TRIM23: variants seen among roughly 807,000 people sequenced by gnomAD.
TRIM23 encodes the protein tripartite motif containing 23.
TRIM23 carries 27 observed loss-of-function variants against 71.0 expected under a neutral mutation model. The observed-to-expected ratio is 0.38, with a 90% CI of 0.28 to 0.52. The LOEUF is 0.52. Ranked by LOEUF, TRIM23 falls within the 20% of genes least tolerant of loss-of-function variation. The probability of loss-of-function intolerance (pLI) is 0.84; values close to 1 mark genes in which losing one functional copy is unlikely to be tolerated. For missense variants in TRIM23, 482 were observed against 692.3 expected (o/e 0.70, Z 3.41); for synonymous variants, 234 against 238.0 (o/e 0.98, Z 0.16).
In TRIM23 at chr5:65,590,889, T is replaced by C; in HGVS notation, c.*880A>G. On this transcript the variant is annotated 3_prime_UTR_variant, in exon 11 of 11. Coordinates refer to ENST00000231524, the MANE Select transcript of TRIM23 (RefSeq NM_001656.4). ...AGCTTTTAAATAAAGCCAACCCTGG[T>C]TCTGCGTTACTTACTACATTTTACC... 1 of 985,490 alleles carries C rather than the reference T, an allele frequency of 1.0e-6. No homozygotes were observed. Among genetic ancestry groups the C allele is most frequent in the Non-Finnish European group, 1.2e-6 (1 of 829,984 alleles). The allele number at this position is 985,490 out of a possible 1,614,324, so 61.0% of individuals were successfully genotyped here. A position where few individuals can be genotyped will look rare whatever the true frequency, so the allele number is the denominator to read the frequency against.
At chr5:65,620,976 G>A (rs1200323325) in intron 1 of TRIM23, among the ~76,000 whole-genome samples, 2 of 151,864 alleles carry the variant, frequency 1.3e-5, no homozygotes, top group Non-Finnish European at 1.5e-5. Flanking sequence ...GTTGCTATGA[G>A]CCATGATCGT....
At chr5:65,594,155 C>CT (rs1754126602) in intron 10 of TRIM23, among the ~76,000 whole-genome samples, 1 of 152,180 alleles carries the variant, frequency 6.6e-6, no homozygotes, top group African/African-American at 2.4e-5. Context: ...CACATACTGA[C>CT]TCAGCCTCAT....
At chr5:65,614,693 C>T (rs557532460) in intron 2 of TRIM23, among the ~76,000 whole-genome samples, 4 of 150,468 alleles carry the variant, frequency 2.7e-5, no homozygotes, top group Admixed American at 2.6e-4. Context: ...CAAGATCACA[C>T]CACTGCACTC....
In TRIM23 at chr5:65,590,812, T is replaced by C. The variant is rs559798751; in HGVS notation, c.*957A>G. The stretch of plus-strand genomic sequence containing the variant: ...ACAGTTTGAAGTAAGTAATAAGCAT[T>C]TGCCACTGTACTTACAACTTCTCTT... On this transcript the variant is annotated 3_prime_UTR_variant, in exon 11 of 11. Transcript: ENST00000231524. 103 of 985,486 alleles carry C rather than the reference T, an allele frequency of 1.0e-4. No homozygotes were observed. The African/African-American group carries it at 1.7e-3, about 16-fold the overall frequency. The allele number at this position is 985,486 out of a possible 1,614,324, so 61.0% of individuals were successfully genotyped here.
chr5:65,609,273 G>C lies in TRIM23; in HGVS notation c.1014C>G (p.Ala338=), dbSNP rs1027195082. ...MTILLSEVSA[A]CLHCEKTLQQ... is the part of the protein sequence containing the mutation. ...GCAAAGTCTTTTCACAGTGGAGGCAGGCTGCAGAAACCTCTGACAACAAAA... is the reference window on the plus strand; with the variant it reads ...GCAAAGTCTTTTCACAGTGGAGGCACGCTGCAGAAACCTCTGACAACAAAA... Residue 338 remains alanine (A), a synonymous_variant, in exon 6 of 11, where the codon GCC becomes GCG. Transcript: ENST00000231524. 1 of 1,614,172 alleles carries C rather than the reference G, an allele frequency of 6.2e-7. No individual in the cohort carries two copies. The highest frequency in any genetic ancestry group is 8.5e-7 in the Non-Finnish European group (1 of 1,180,042).
chr5:65,622,959 A>G (rs1385149351), intron 1 of TRIM23, among the ~76,000 whole-genome samples: 1 of 152,228 alleles, frequency 6.6e-6, no homozygotes, highest in African/African-American at 2.4e-5. Flanking sequence ...CTACTTAGCA[A>G]AAGCACAATT....
chr5:65,596,227 A>G (rs957965642), intron 9 of TRIM23, among the ~76,000 whole-genome samples, 194 bp downstream of exon 9: 1 of 152,204 alleles, frequency 6.6e-6, no homozygotes. Flanking sequence ...TAATAATGGT[A>G]TATCAGGAAT....
chr5:65,603,802 A>G (rs914441411), intron 7 of TRIM23, among the ~76,000 whole-genome samples: 12 of 152,328 alleles, frequency 7.9e-5, no homozygotes, highest in African/African-American at 2.9e-4. Context: ...CCAAATCCCA[A>G]GTATGAAACT....
intron 2 of TRIM23, among the ~76,000 whole-genome samples, chr5:65,616,526 C>A (rs1754782116): frequency 1.3e-5 from 2 of 151,270 alleles, no homozygotes; most frequent in Non-Finnish European, 2.9e-5. Context: ...CCTGTAATCC[C>A]AGCTACTCAG....
At chr5:65,611,236 C>T (rs184336012) in intron 4 of TRIM23, among the ~76,000 whole-genome samples, 193 bp from the exon 5 acceptor site, 2 of 152,222 alleles carry the variant, frequency 1.3e-5, no homozygotes, top group South Asian at 2.1e-4. Flanking sequence ...TTTGGAAGTC[C>T]GTTTATTGCT....
intron 9 of TRIM23, among the ~76,000 whole-genome samples, chr5:65,596,198 A>G (rs1301047180): frequency 1.3e-5 from 2 of 152,174 alleles, no homozygotes; most frequent in African/African-American, 4.8e-5. Flanking sequence ...TATCTAAGCT[A>G]CGTATGGTTT....
At chr5:65,595,411 A>T (rs975087150) in intron 9 of TRIM23, among the ~76,000 whole-genome samples, 5 of 152,046 alleles carry the variant, frequency 3.3e-5, no homozygotes, top group African/African-American at 9.7e-5. Flanking sequence ...CAAAAAAATT[A>T]GCCAGGCATG....
intron 6 of TRIM23, among the ~76,000 whole-genome samples, chr5:65,607,544 C>T (rs1754541070): frequency 6.6e-6 from 1 of 152,140 alleles, no homozygotes; most frequent in South Asian, 2.1e-4. Context: ...GATTGTCTAA[C>T]TTTCCTGAAG....
At chr5:65,595,112 T>C (rs1754163503) in intron 9 of TRIM23, among the ~76,000 whole-genome samples, 1 of 152,130 alleles carries the variant, frequency 6.6e-6, no homozygotes, top group Admixed American at 6.6e-5. Context: ...CCATTCCTCA[T>C]ATTCAAAATT....
intron 10 of TRIM23, among the ~76,000 whole-genome samples, chr5:65,592,804 A>G (rs922657982): frequency 2.6e-4 from 39 of 152,220 alleles, no homozygotes; most frequent in African/African-American, 8.4e-4. Context: ...GTTGAAGATG[A>G]GTATCTTTCC....
Position 65,604,916 on chromosome 5 carries a change from T to C in TRIM23, c.1174A>G (p.Thr392Ala). 1 of 1,612,890 alleles carries C rather than the reference T, an allele frequency of 6.2e-7. No homozygotes were observed. The highest frequency in any genetic ancestry group is 8.5e-7 in the Non-Finnish European group (1 of 1,179,598). Residue 392 changes from threonine (T) to alanine (A), a missense_variant, in exon 7 of 11, where the codon ACA becomes GCA. By Grantham distance (58) the Thr-to-Ala change is moderately conservative. Transcript: ENST00000231524. ...QLDASIPVTF[T>A]KDNRVHIGPK... Reference sequence around the variant, plus strand: ...AATAAAGTACAGTACATTACCTTTGTAAAAGTGACAGGGATGCTGGCATCC... The same window carrying C: ...AATAAAGTACAGTACATTACCTTTGCAAAAGTGACAGGGATGCTGGCATCC...
rs753312248 is a variant in TRIM23, at chr5:65,618,175, G to A, written c.162C>T (p.Thr54=). The change falls in exon 2 of 11, where the codon ACC becomes ACT. Residue 54 remains threonine, a synonymous_variant. Coordinates refer to ENST00000231524, the MANE Select transcript of TRIM23 (RefSeq NM_001656.4). ...KVPRLLLCGH[T]VCHDCLTRLP... ...GGCGAGTGAGACAGTCATGACAGACGGTATGGCCACAAAGCAAAAGACGGG... is the reference window on the plus strand; with the variant it reads ...GGCGAGTGAGACAGTCATGACAGACAGTATGGCCACAAAGCAAAAGACGGG... The A allele has an allele frequency of 2.2e-5, 36 of 1,613,986 alleles. No individual in the cohort carries two copies. In the Middle Eastern group the frequency reaches 8.3e-4, roughly 37 times the overall value.
At chr5:65,599,907 T>A (rs964122353) in intron 7 of TRIM23, among the ~76,000 whole-genome samples, 1 of 152,204 alleles carries the variant, frequency 6.6e-6, no homozygotes, top group Admixed American at 6.5e-5. Flanking sequence ...GGGTAATTTA[T>A]AAAGAAAAGT....
rs976341742 is a variant in TRIM23 at position 65,590,539 on chromosome 5, CAG to C, written c.*1228_*1229del. On this transcript the variant is annotated 3_prime_UTR_variant, in exon 11 of 11. Transcript: ENST00000231524. ...AAGATTTAACTTCATCCTAATGTAT[CAG>C]AACATTAAAAAAAAAAAAGTCTCAA... 5.7e-6 allele frequency: 6 copies of C among 1,054,884 alleles called. No homozygotes were observed. In the African/African-American group the frequency reaches 1.3e-4, roughly 22 times the overall value. The allele number at this position is 1,054,884 out of a possible 1,614,324, so 65.3% of individuals were successfully genotyped here.
Sources: allele counts gnomAD v4.1 joint callset (sites outside exome capture counted in the v4.1 genomes callset), GRCh38; gene constraint gnomAD v4.1.1; transcripts MANE v1.5; gene names NCBI Gene and HGNC (gene_info 2026-07-23, HGNC 2026-07-21).